Variants in RSRC1 observed in about 807,000 individuals in gnomAD.
The protein encoded by RSRC1 is serine/Arginine-related protein 53.
In RSRC1, 39 loss-of-function variants were observed where a neutral mutation model predicts 49.1. The ratio of observed to expected loss-of-function variants is 0.79; its 90% CI spans 0.61 to 1.04. RSRC1 has a LOEUF of 1.04. Among genes scored for constraint, RSRC1 ranks in the 50% least tolerant of loss-of-function variants. The probability of loss-of-function intolerance (pLI) is 0.00; values close to 1 mark genes in which losing one functional copy is unlikely to be tolerated. For missense variants in RSRC1, 388 were observed against 402.4 expected (o/e 0.96, Z 0.31); for synonymous variants, 143 against 130.8 (o/e 1.09, Z -0.63).
intron 6 of RSRC1, among the ~76,000 whole-genome samples, chr3:158,373,763 T>C (rs972675243): frequency 1.3e-5 from 2 of 151,984 alleles, no homozygotes; most frequent in Non-Finnish European, 2.9e-5. Context: ...ACTAACATGG[T>C]ACCCTGGTAT....
chr3:158,424,754 A>G, intron 6 of RSRC1, among the ~76,000 whole-genome samples: 1 of 152,098 alleles, frequency 6.6e-6, no homozygotes, highest in Non-Finnish European at 1.5e-5. Flanking sequence ...CCACAATTTC[A>G]GCTCCTGTTA....
intron 6 of RSRC1, among the ~76,000 whole-genome samples, chr3:158,429,064 C>T (rs904609684): frequency 1.4e-4 from 21 of 151,836 alleles, no homozygotes; most frequent in Admixed American, 9.2e-4. Context: ...GAGGGAGCAG[C>T]GCCCTAGCAA....
intron 4 of RSRC1, among the ~76,000 whole-genome samples, chr3:158,265,833 G>A (rs1725141813): frequency 6.6e-6 from 1 of 152,056 alleles, no homozygotes; most frequent in Non-Finnish European, 1.5e-5. Context: ...TAGTTTCATA[G>A]GATTAGTTTC....
At chr3:158,311,328 A>G (rs1249151183) in intron 5 of RSRC1, among the ~76,000 whole-genome samples, 4 of 151,938 alleles carry the variant, frequency 2.6e-5, no homozygotes, top group Non-Finnish European at 4.4e-5. Context: ...AATTTTTTTC[A>G]TTTATTGGAT....
chr3:158,177,910 G>A (rs901596738), intron 3 of RSRC1, among the ~76,000 whole-genome samples: 1 of 151,898 alleles, frequency 6.6e-6, no homozygotes, highest in African/African-American at 2.4e-5. Context: ...GATTTCGTTG[G>A]GATTTCATTG....
At chr3:158,474,407 A>C (rs1205229369) in intron 7 of RSRC1, among the ~76,000 whole-genome samples, 3 of 152,210 alleles carry the variant, frequency 2.0e-5, no homozygotes, top group African/African-American at 4.8e-5. Flanking sequence ...GCCTTCAGCA[A>C]GTTGCAGTAT....
chr3:158,338,429 T>C (rs1730038729), intron 5 of RSRC1, among the ~76,000 whole-genome samples: 1 of 152,214 alleles, frequency 6.6e-6, no homozygotes, highest in Admixed American at 6.5e-5. Flanking sequence ...TCCTAAGAGA[T>C]AGAATTATAG....
chr3:158,383,047 T>G (rs1732784555), intron 6 of RSRC1, among the ~76,000 whole-genome samples: 1 of 152,180 alleles, frequency 6.6e-6, no homozygotes, highest in Non-Finnish European at 1.5e-5. Flanking sequence ...TAGTAGAAAG[T>G]GCTTAAATTT....
At chr3:158,232,629 G>T (rs984566239) in intron 4 of RSRC1, among the ~76,000 whole-genome samples, 1 of 152,122 alleles carries the variant, frequency 6.6e-6, no homozygotes, top group African/African-American at 2.4e-5. Flanking sequence ...TATAACACCT[G>T]CTCAATATCT....
intron 6 of RSRC1, among the ~76,000 whole-genome samples, chr3:158,389,732 A>G (rs1418261779): frequency 3.3e-5 from 5 of 152,238 alleles, no homozygotes. Context: ...CCAAGCTCAA[A>G]TAATTACTCA....
At chr3:158,283,354 T>C (rs372880179) in intron 4 of RSRC1, among the ~76,000 whole-genome samples, 6 of 152,188 alleles carry the variant, frequency 3.9e-5, no homozygotes, top group Admixed American at 1.3e-4. Flanking sequence ...TTAGAAAACA[T>C]ATAAACAATT....
intron 6 of RSRC1, among the ~76,000 whole-genome samples, chr3:158,387,467 T>G (rs1733028068): frequency 2.6e-5 from 4 of 152,138 alleles, no homozygotes; most frequent in Admixed American, 6.5e-5. Flanking sequence ...AGTAGTTCCT[T>G]TAGCTTATTA....
At chr3:158,202,985 G>GAC in intron 3 of RSRC1, 87 bp from the exon 4 acceptor site, 1 of 1,089,492 alleles carries the variant, frequency 9.2e-7, no homozygotes, top group South Asian at 1.8e-5. Flanking sequence ...AAACTAAGTA[G>GAC]TTTTTTTCAG....
chr3:158,473,271 C>A (rs949144024), intron 7 of RSRC1, among the ~76,000 whole-genome samples: 1 of 152,024 alleles, frequency 6.6e-6, no homozygotes, highest in Non-Finnish European at 1.5e-5. Context: ...CCCAAATGTC[C>A]AACAATGATA....
At chr3:158,419,098 A>G (rs1734902256) in intron 6 of RSRC1, among the ~76,000 whole-genome samples, 2 of 152,014 alleles carry the variant, frequency 1.3e-5, no homozygotes. Context: ...TTATTTAGTC[A>G]CATGAGTGTT....
intron 3 of RSRC1, among the ~76,000 whole-genome samples, chr3:158,173,202 A>G (rs1718985132): frequency 6.6e-6 from 1 of 151,964 alleles, no homozygotes; most frequent in South Asian, 2.1e-4. Flanking sequence ...ATGCATTTAA[A>G]CATAGACTGG....
intron 4 of RSRC1, among the ~76,000 whole-genome samples, chr3:158,254,678 C>T (rs1363132646): frequency 6.6e-6 from 1 of 152,080 alleles, no homozygotes; most frequent in Non-Finnish European, 1.5e-5. Context: ...ATGATCCACC[C>T]ACCTCGGCCT....
chr3:158,502,016 A>G (rs1181358982), intron 7 of RSRC1, among the ~76,000 whole-genome samples: 2 of 152,132 alleles, frequency 1.3e-5, no homozygotes, highest in South Asian at 2.1e-4. Flanking sequence ...TCCAGGATTC[A>G]TTTCAAGATT....
intron 1 of RSRC1, among the ~76,000 whole-genome samples, chr3:158,111,905 T>A (rs1019423324): frequency 2.0e-5 from 3 of 152,226 alleles, no homozygotes; most frequent in Non-Finnish European, 4.4e-5. Context: ...TCCTTTGAGT[T>A]CTCTTTTCTT....
Sources: gnomAD v4.1 joint callset for allele counts (sites outside exome capture counted in the v4.1 genomes callset) on GRCh38, gnomAD v4.1.1 for gene constraint, MANE v1.5 for transcripts, NCBI Gene and HGNC (gene_info 2026-07-23, HGNC 2026-07-21) for gene names.